Variants in IL1RAPL2 observed in about 807,000 individuals in gnomAD.
IL1RAPL2 encodes interleukin 1 receptor accessory protein like 2, also known as X-linked interleukin-1 receptor accessory protein-like 2.
In IL1RAPL2, 3 loss-of-function variants were observed where a neutral mutation model predicts 44.1. The observed-to-expected ratio is 0.07, with a 90% CI of 0.03 to 0.18. The LOEUF (loss-of-function observed/expected upper bound fraction) is 0.18, where lower values mean the gene tolerates loss of function less well. Ranked by LOEUF, IL1RAPL2 falls within the 10% of genes least tolerant of loss-of-function variation. The pLI, the probability that IL1RAPL2 is intolerant of heterozygous loss-of-function variation, is 1.00. For missense variants in IL1RAPL2, 391 were observed against 496.4 expected (o/e 0.79, Z 2.02); for synonymous variants, 181 against 178.8 (o/e 1.01, Z -0.10).
At chrX:105,262,307 A>G (rs1182997974) in intron 4 of IL1RAPL2, among the ~76,000 whole-genome samples, 3 of 112,107 alleles carry the variant, frequency 2.7e-5, no homozygotes, top group Non-Finnish European at 5.6e-5. Context: ...CAGCCTTAGA[A>G]TGATAACTTT....
chrX:104,895,410 C>T (rs926309434), intron 2 of IL1RAPL2, among the ~76,000 whole-genome samples: 1 of 112,714 alleles, frequency 8.9e-6, no homozygotes, highest in Admixed American at 9.3e-5. Flanking sequence ...AGGCAGGACT[C>T]CTTTAGCTGT....
At chrX:104,727,482 G>A (rs1056259712) in intron 2 of IL1RAPL2, among the ~76,000 whole-genome samples, 87 of 111,596 alleles carry the variant, frequency 7.8e-4, no homozygotes, top group African/African-American at 2.7e-3. Flanking sequence ...TACACCACTG[G>A]TGAGAATGTA....
At chrX:105,395,565 A>G (rs750847025) in intron 5 of IL1RAPL2, among the ~76,000 whole-genome samples, 2 of 110,903 alleles carry the variant, frequency 1.8e-5, no homozygotes, top group East Asian at 5.7e-4. Flanking sequence ...TGTTGTATAA[A>G]TAGTACAATA....
intron 6 of IL1RAPL2, among the ~76,000 whole-genome samples, chrX:105,504,805 G>A (rs1466765250): frequency 2.7e-5 from 3 of 111,689 alleles, no homozygotes; most frequent in African/African-American, 9.7e-5. Flanking sequence ...TAAGGGTGAT[G>A]CCACCAGGAT....
At chrX:105,046,988 A>G (rs2031848321) in intron 2 of IL1RAPL2, among the ~76,000 whole-genome samples, 1 of 109,627 alleles carries the variant, frequency 9.1e-6, no homozygotes, top group Admixed American at 9.9e-5. Context: ...TTCACTCCTG[A>G]ATATCTAGAA....
chrX:105,537,468 C>T (rs1416634104), intron 6 of IL1RAPL2, among the ~76,000 whole-genome samples: 1 of 111,706 alleles, frequency 9.0e-6, no homozygotes, highest in Non-Finnish European at 1.9e-5. Flanking sequence ...GCTCACCTTC[C>T]GACTTATAAA....
chrX:105,431,834 A>G (rs746898441), intron 5 of IL1RAPL2, among the ~76,000 whole-genome samples: 1 of 111,682 alleles, frequency 9.0e-6, no homozygotes, highest in Non-Finnish European at 1.9e-5. Flanking sequence ...AATGAAGCAC[A>G]TGCAACTCGT....
intron 6 of IL1RAPL2, among the ~76,000 whole-genome samples, chrX:105,499,827 A>C (rs1265943804): frequency 8.9e-6 from 1 of 112,063 alleles, no homozygotes; most frequent in African/African-American, 3.2e-5. Context: ...GTGCAGCCTC[A>C]ATGGGAAACA....
intron 2 of IL1RAPL2, among the ~76,000 whole-genome samples, chrX:104,740,802 C>A (rs1932090089): frequency 9.0e-6 from 1 of 111,125 alleles, no homozygotes; most frequent in Admixed American, 9.6e-5. Flanking sequence ...TGCTGTTCTA[C>A]CTTTGGAAAT....
At chrX:105,763,284 G>T (rs1003894011) in intron 10 of IL1RAPL2, among the ~76,000 whole-genome samples, 1 of 111,881 alleles carries the variant, frequency 8.9e-6, no homozygotes, top group African/African-American at 3.3e-5. Context: ...TGGGCCTAAT[G>T]TATCAGTCTC....
chrX:105,117,673 C>T (rs1439565881), intron 2 of IL1RAPL2, among the ~76,000 whole-genome samples: 1 of 111,682 alleles, frequency 9.0e-6, no homozygotes. Flanking sequence ...CTCAGCACTT[C>T]TCCTTCCTGC....
intron 1 of IL1RAPL2, among the ~76,000 whole-genome samples, chrX:104,577,536 CTG>C (rs1457922013): frequency 7.2e-5 from 8 of 111,356 alleles, no homozygotes; most frequent in African/African-American, 2.3e-4. Context: ...TGAATTGAAA[CTG>C]TATAGGGAAG....
At chrX:105,068,027 A>G (rs186955496) in intron 2 of IL1RAPL2, among the ~76,000 whole-genome samples, 31 of 112,545 alleles carry the variant, frequency 2.8e-4, no homozygotes, top group Admixed American at 1.2e-3. Context: ...ACTTCACTCT[A>G]GAAGATGAGA....
At chrX:105,298,407 C>T (rs973390379) in intron 5 of IL1RAPL2, among the ~76,000 whole-genome samples, 2 of 110,147 alleles carry the variant, frequency 1.8e-5, no homozygotes, top group Admixed American at 9.8e-5. Context: ...GTAGGAAAAG[C>T]GGGAATTAGA....
chrX:104,619,603 C>T (rs1929347014), intron 1 of IL1RAPL2, among the ~76,000 whole-genome samples: 1 of 112,173 alleles, frequency 8.9e-6, no homozygotes, highest in Admixed American at 9.5e-5. Flanking sequence ...TATTTATGCA[C>T]TGTCTTGCTA....
At chrX:105,517,272 A>G (rs2147788077) in intron 6 of IL1RAPL2, among the ~76,000 whole-genome samples, 1 of 111,558 alleles carries the variant, frequency 9.0e-6, no homozygotes, top group East Asian at 2.8e-4. Context: ...TAACAATTAG[A>G]TATGCTACTG....
chrX:104,793,325 GTGCA>G (rs1455388021), intron 2 of IL1RAPL2, among the ~76,000 whole-genome samples: 5 of 112,108 alleles, frequency 4.5e-5, no homozygotes, highest in Non-Finnish European at 9.4e-5. Context: ...CAAGGGCAGG[GTGCA>G]TGTCATTCCT....
At chrX:105,017,021 C>G (rs1382530833) in intron 2 of IL1RAPL2, among the ~76,000 whole-genome samples, 3 of 111,073 alleles carry the variant, frequency 2.7e-5, no homozygotes. Context: ...AGGGATTTGA[C>G]TTCTTCCTTG....
chrX:105,198,652 G>T (rs1448682668), intron 3 of IL1RAPL2, among the ~76,000 whole-genome samples: 1 of 111,531 alleles, frequency 9.0e-6, no homozygotes, highest in Non-Finnish European at 1.9e-5. Flanking sequence ...TTCTGTTTCA[G>T]TATCCATCTC....
Sources: gnomAD v4.1 joint callset for allele counts (sites outside exome capture counted in the v4.1 genomes callset) on GRCh38, gnomAD v4.1.1 for gene constraint, MANE v1.5 for transcripts, NCBI Gene and HGNC (gene_info 2026-07-23, HGNC 2026-07-21) for gene names.